The following NRXN3 variants were observed in gnomAD, a reference collection of about 807,000 sequenced individuals.
NRXN3 encodes the protein neurexin III.
A neutral mutation model predicts 137.6 loss-of-function variants in NRXN3; 32 were observed. The ratio of observed to expected loss-of-function variants is 0.23; its 90% CI spans 0.18 to 0.31. The LOEUF (loss-of-function observed/expected upper bound fraction) is 0.31. Among genes scored for constraint, NRXN3 ranks in the 10% least tolerant of loss-of-function variants. The pLI is 1.00. For missense variants in NRXN3, 1,574 were observed against 2,062.5 expected (o/e 0.76, Z 4.59); for synonymous variants, 798 against 784.5 (o/e 1.02, Z -0.29).
chr14:78,837,840 ATGCAAAATCTTGCCTTC>A (rs2099001334), intron 10 of NRXN3, among the ~76,000 whole-genome samples: 1 of 152,162 alleles, frequency 6.6e-6, no homozygotes, highest in African/African-American at 2.4e-5. Context: ...ATTGGTGTAG[ATGCAAAATCTTGCCTTC>A]ATAATTTTTA....
chr14:78,773,748 G>A (rs1405131524), intron 8 of NRXN3, among the ~76,000 whole-genome samples: 1 of 151,936 alleles, frequency 6.6e-6, no homozygotes, highest in Admixed American at 6.6e-5. Flanking sequence ...TTAATTTTAG[G>A]TGAGTTTTCT....
At chr14:79,127,244 C>T (rs1257915275) in intron 15 of NRXN3, among the ~76,000 whole-genome samples, 1 of 152,110 alleles carries the variant, frequency 6.6e-6, no homozygotes, top group Non-Finnish European at 1.5e-5. Context: ...ACATGAAGTC[C>T]TCACCCATGC....
chr14:78,188,595 G>A (rs912718763), intron 1 of NRXN3, among the ~76,000 whole-genome samples: 1 of 152,176 alleles, frequency 6.6e-6, no homozygotes, highest in African/African-American at 2.4e-5. Flanking sequence ...ACAGATGGGG[G>A]AAGGTATGGG....
intron 6 of NRXN3, among the ~76,000 whole-genome samples, chr14:78,707,335 C>A (rs1382078417): frequency 6.6e-6 from 1 of 152,084 alleles, no homozygotes; most frequent in East Asian, 1.9e-4. Context: ...ATAGTTGGGA[C>A]GCTCAATACT....
intron 15 of NRXN3, among the ~76,000 whole-genome samples, chr14:79,210,039 G>T (rs1484637287): frequency 6.6e-6 from 1 of 152,180 alleles, no homozygotes; most frequent in Non-Finnish European, 1.5e-5. Context: ...TACCCTGTGA[G>T]TTGCTATTTA....
chr14:78,602,267 C>CTTTTTT (rs370669288), intron 4 of NRXN3, among the ~76,000 whole-genome samples: 7 of 115,282 alleles, frequency 6.1e-5, no homozygotes, highest in African/African-American at 1.5e-4. Flanking sequence ...TCACATTAGC[C>CTTTTTT]TTTTTTTTTT....
At chr14:78,589,549 C>T (rs561790219) in intron 4 of NRXN3, among the ~76,000 whole-genome samples, 2 of 152,320 alleles carry the variant, frequency 1.3e-5, no homozygotes, top group East Asian at 1.9e-4. Flanking sequence ...CTGCCTCTGG[C>T]GGTCTCTTGC....
At chr14:78,187,066 G>A (rs2060289621) in intron 1 of NRXN3, among the ~76,000 whole-genome samples, 1 of 152,260 alleles carries the variant, frequency 6.6e-6, no homozygotes, top group Non-Finnish European at 1.5e-5. Flanking sequence ...GAGTTATCAA[G>A]GGGCTACTTT....
At chr14:78,487,553 GC>G (rs1413125641) in intron 4 of NRXN3, among the ~76,000 whole-genome samples, 1 of 152,046 alleles carries the variant, frequency 6.6e-6, no homozygotes, top group African/African-American at 2.4e-5. Context: ...GACCAGCCTG[GC>G]CAACATGGTG....
rs561095816 is a variant in NRXN3, at chr14:79,800,129, G to A, written c.4015-4983G>A. Reference sequence around the variant, plus strand: ...ATTTGACATAGGGGAACCATCATACGTCAGCACTTTAAGCATAGCCATTGA... The same window carrying A: ...ATTTGACATAGGGGAACCATCATACATCAGCACTTTAAGCATAGCCATTGA... On this transcript the variant is annotated intron_variant, in intron 19 of 20. Transcript: ENST00000335750. Among the ~76,000 whole-genome samples the A allele has an allele frequency of 4.3e-4, 66 of 152,232 alleles. 1 individual carries two copies. The highest frequency in any genetic ancestry group is 1.6e-3 in the Admixed American group (24 of 15,292).
chr14:79,739,771 G>C (rs1183863895), intron 19 of NRXN3, among the ~76,000 whole-genome samples: 1 of 151,346 alleles, frequency 6.6e-6, no homozygotes, highest in Non-Finnish European at 1.5e-5. Flanking sequence ...CTACGGGAAA[G>C]GGCATTCTCA....
intron 4 of NRXN3, among the ~76,000 whole-genome samples, chr14:78,455,122 G>A (rs2094655456): frequency 6.6e-6 from 1 of 152,212 alleles, no homozygotes; most frequent in African/African-American, 2.4e-5. Context: ...CATAAGAGGA[G>A]CATTGCCGTC....
chr14:78,237,934 A>G (rs574914574), intron 1 of NRXN3, among the ~76,000 whole-genome samples: 1 of 152,296 alleles, frequency 6.6e-6, no homozygotes, highest in African/African-American at 2.4e-5. Flanking sequence ...GGCTGGGCAC[A>G]AGGACAGTCA....
intron 19 of NRXN3, among the ~76,000 whole-genome samples, chr14:79,713,190 T>TTTTTTTTTTTA (rs1567979801): frequency 9.2e-6 from 1 of 108,596 alleles, no homozygotes; most frequent in Non-Finnish European, 1.8e-5. Context: ...TTTTTTTTTT[T>TTTTTTTTTTTA]ACCCTCTCTC....
chr14:79,404,225 C>G (rs961245224), intron 15 of NRXN3, among the ~76,000 whole-genome samples: 1 of 152,176 alleles, frequency 6.6e-6, no homozygotes, highest in African/African-American at 2.4e-5. Flanking sequence ...GTCTAACACC[C>G]AGCCTCTATA....
At chr14:79,116,221 A>G (rs2054409478) in intron 15 of NRXN3, among the ~76,000 whole-genome samples, 1 of 152,156 alleles carries the variant, frequency 6.6e-6, no homozygotes, top group African/African-American at 2.4e-5. Context: ...AGCTCACCCC[A>G]TGTGCCTCTC....
chr14:78,318,235 G>C (rs1266899334), intron 4 of NRXN3, among the ~76,000 whole-genome samples: 4 of 152,212 alleles, frequency 2.6e-5, no homozygotes, highest in Non-Finnish European at 2.9e-5. Context: ...CCTAGCATCT[G>C]TGGAATCAGG....
At chr14:79,632,251 A>T (rs1469128670) in intron 16 of NRXN3, 1 of 152,960 alleles carries the variant, frequency 6.5e-6, no homozygotes, top group African/African-American at 2.4e-5. Context: ...CTCCAGATAC[A>T]CCATCTTTAA....
intron 4 of NRXN3, among the ~76,000 whole-genome samples, chr14:78,304,579 A>G (rs79122169): frequency 5.5e-4 from 84 of 152,270 alleles, no homozygotes; most frequent in African/African-American, 1.9e-3. Flanking sequence ...TTGAGAGTAT[A>G]TTTTGGCCTT....
Sources: allele counts gnomAD v4.1 joint callset (sites outside exome capture counted in the v4.1 genomes callset), GRCh38; gene constraint gnomAD v4.1.1; transcripts MANE v1.5; gene names NCBI Gene and HGNC (gene_info 2026-07-23, HGNC 2026-07-21).